PRSS37: variants seen among roughly 807,000 people sequenced by gnomAD.
PRSS37 encodes serine protease 37, also known as probable inactive serine protease 37.
Under a neutral mutation model 28.0 loss-of-function variants are expected in PRSS37, and 25 were observed. That is an observed-to-expected ratio of 0.89 (90% CI 0.65 to 1.25). The LOEUF is 1.25. Ranked by LOEUF, PRSS37 falls within the 50% of genes most tolerant of loss-of-function variation. The pLI, the probability that PRSS37 is intolerant of heterozygous loss-of-function variation, is 0.00. For missense variants in PRSS37, 282 were observed against 292.2 expected (o/e 0.97, Z 0.25); for synonymous variants, 109 against 107.8 (o/e 1.01, Z -0.07).
rs1171195360 is a variant in PRSS37 at position 141,841,364 on chromosome 7, A to G, written c.-315T>C. 4 of 349,170 alleles carry G rather than the reference A, an allele frequency of 1.1e-5. No individual in the cohort carries two copies. The highest frequency in any genetic ancestry group is 4.3e-5 in the African/African-American group (2 of 47,018). 21.6% of individuals were successfully genotyped at this position (349,170 alleles called of 1,614,324 possible). A position where few individuals can be genotyped will look rare whatever the true frequency, so the allele number is the denominator to read the frequency against. ...AAACACATCTGTTTGAAGGTAGTTC[A>G]GTTGTCTGTGGAAATGGCAGCTCTA... On this transcript the variant is annotated 5_prime_UTR_variant, in exon 1 of 5. Coordinates refer to ENST00000350549, the MANE Select transcript of PRSS37 (RefSeq NM_001008270.3).
chr7:141,840,615 A>G (rs1801120919), intron 1 of PRSS37, among the ~76,000 whole-genome samples: 1 of 152,256 alleles, frequency 6.6e-6, no homozygotes, highest in Non-Finnish European at 1.5e-5. Context: ...AATGTGTGAT[A>G]CAACCTAGGC....
chr7:141,839,518 T>G, intron 1 of PRSS37, 39 bp from the exon 2 acceptor site: 4 of 1,495,594 alleles, frequency 2.7e-6, no homozygotes, highest in Non-Finnish European at 3.7e-6. Context: ...ATAAATATTA[T>G]AAAAATAAGG....
chr7:141,836,434 T>C lies in PRSS37; in HGVS notation c.669A>G (p.Lys223=), dbSNP rs968345559. The part of the protein sequence containing the change: ...GDVGIYTNVY[K]YVSWIENTAK... Reference sequence around the variant, plus strand: ...CAGTGTTCTCAATCCAGGATACATATTTGTAAACATTGGTGTAGATGCCGA... The same window carrying C: ...CAGTGTTCTCAATCCAGGATACATACTTGTAAACATTGGTGTAGATGCCGA... Residue 223 remains lysine, a synonymous_variant, in exon 5 of 5, where the codon AAA becomes AAG. Transcript: ENST00000350549. 4 of 1,614,174 alleles carry C rather than the reference T, an allele frequency of 2.5e-6. No individual in the cohort carries two copies. Among genetic ancestry groups the C allele is most frequent in the Non-Finnish European group, 3.4e-6 (4 of 1,180,028 alleles).
intron 2 of PRSS37, chr7:141,838,843 T>C: frequency 2.6e-6 from 1 of 380,012 alleles, no homozygotes; most frequent in Non-Finnish European, 5.2e-6. Flanking sequence ...AACTGCATTT[T>C]CTTAATACAA....
intron 3 of PRSS37, chr7:141,837,646 A>C (rs1176949365): frequency 2.0e-6 from 3 of 1,523,588 alleles, no homozygotes; most frequent in South Asian, 1.2e-5. Flanking sequence ...CCAGCTGCCA[A>C]AGCCCTGCAG....
intron 1 of PRSS37, among the ~76,000 whole-genome samples, chr7:141,840,069 CTATT>C (rs748801060): frequency 9.9e-5 from 15 of 151,992 alleles, no homozygotes; most frequent in Non-Finnish European, 1.9e-4. Context: ...TGGATATAAT[CTATT>C]TGTCTAAAAA....
chr7:141,839,221 A>C, intron 2 of PRSS37, 117 bp downstream of exon 2: 2 of 1,117,118 alleles, frequency 1.8e-6, no homozygotes, highest in Non-Finnish European at 2.6e-6. Context: ...TGTGACAACC[A>C]AAAATATCTT....
At chr7:141,837,556 C>G in intron 3 of PRSS37, 1 of 1,499,852 alleles carries the variant, frequency 6.7e-7, no homozygotes, top group Non-Finnish European at 8.9e-7. Flanking sequence ...GAAGTAGGAC[C>G]ACACCTTGTT....
In PRSS37 at chr7:141,839,505, T is replaced by C. The variant is rs751185298; in HGVS notation, c.35-26A>G. The C allele has an allele frequency of 3.9e-6, 6 of 1,543,970 alleles. No homozygotes were observed. The Admixed American group carries it at 6.9e-5, about 18-fold the overall frequency. On this transcript the variant is annotated intron_variant, in intron 1 of 4. Coordinates refer to ENST00000350549, the MANE Select transcript of PRSS37 (RefSeq NM_001008270.3). ...CTGAGAAAATAATGAACATTCTTAA[T>C]ACATAAATATTATAAAAATAAGGTA...
Position 141,841,015 on chromosome 7 carries a change from C to T in PRSS37, c.34+1G>A, listed in dbSNP as rs762920669. On this transcript the variant is annotated splice_donor_variant, in intron 1 of 4. Transcript: ENST00000350549. LOFTEE classifies it high-confidence loss of function. ...CAGAGTACAAGGTCTTGAGTACATACCAGCGAGGACACCCAAATAGAAGAC... is the reference window on the plus strand; with the variant it reads ...CAGAGTACAAGGTCTTGAGTACATATCAGCGAGGACACCCAAATAGAAGAC... The T allele has an allele frequency of 4.3e-6, 7 of 1,613,638 alleles. No homozygotes were observed. The South Asian group carries it at 5.5e-5, about 13-fold the overall frequency.
chr7:141,839,311 G>T (rs1196137243), intron 2 of PRSS37, 27 bp downstream of exon 2: 2 of 1,611,578 alleles, frequency 1.2e-6, no homozygotes, highest in Non-Finnish European at 1.7e-6. Context: ...TAGCTGTTTT[G>T]GGGATGGGGA....
intron 4 of PRSS37, 73 bp downstream of exon 4, chr7:141,837,039 T>A: frequency 6.8e-7 from 1 of 1,479,334 alleles, no homozygotes; most frequent in Non-Finnish European, 9.3e-7. Flanking sequence ...TCTAAAATAG[T>A]TTTTACATCA....
chr7:141,839,438 G>A lies in PRSS37; in HGVS notation c.76C>T (p.Pro26Ser), dbSNP rs775854186. The A allele has an allele frequency of 1.2e-6, 2 of 1,613,212 alleles. No individual in the cohort carries two copies. Among genetic ancestry groups the A allele is most frequent in the East Asian group, 2.2e-5 (1 of 44,840 alleles). Residue 26 changes from proline to serine, a missense_variant, in exon 2 of 5, where the codon CCT becomes TCT. Pro to Ser is a moderately conservative substitution (Grantham distance 74). Transcript: ENST00000350549. Reference sequence around the variant, plus strand: ...TTGAGGTACACCAAATAGGGAGCAGGGTCTTCTTTCTGAACAGATGAGTCA... The same window carrying A: ...TTGAGGTACACCAAATAGGGAGCAGAGTCTTCTTTCTGAACAGATGAGTCA... ...FADSSVQKED[P>S]APYLVYLKSH...
Position 141,836,604 on chromosome 7 carries a change from T to C in PRSS37, c.568-69A>G. ...GTGTCAGATCTTCTCACAGGAACCC[T>C]AGTGTCCCGCTTGGGTGAGCCCTGT... On this transcript the variant is annotated intron_variant, in intron 4 of 4. Coordinates refer to ENST00000350549, the MANE Select transcript of PRSS37 (RefSeq NM_001008270.3). 3 of 1,557,202 alleles carry C rather than the reference T, an allele frequency of 1.9e-6. No homozygotes were observed. In the South Asian group the frequency reaches 3.4e-5, roughly 18 times the overall value.
At chr7:141,837,768 C>T in intron 3 of PRSS37, 92 bp downstream of exon 3, 4 of 1,561,446 alleles carry the variant, frequency 2.6e-6, no homozygotes, top group South Asian at 1.2e-5. Flanking sequence ...TTTCACTCTC[C>T]TTTCCTCCTC....
At position 141,838,103 on chromosome 7, in the gene PRSS37, C is replaced by T; in HGVS notation, c.187G>A (p.Val63Met). Reference sequence around the variant, plus strand: ...CTGCTCTTGAAATTTCCCAGCATCACTTTCAGATTTCTGGAGGGAGAGGGG... The same window carrying T: ...CTGCTCTTGAAATTTCCCAGCATCATTTTCAGATTTCTGGAGGGAGAGGGG... The part of the protein sequence containing the change: ...PAHCYLPNLK[V>M]MLGNFKSRVR... Residue 63 changes from valine to methionine, a missense_variant, in exon 3 of 5, where the codon GTG becomes ATG. By Grantham distance (21) the Val-to-Met change is conservative. Coordinates refer to ENST00000350549, the MANE Select transcript of PRSS37 (RefSeq NM_001008270.3). 2 of 1,613,976 alleles carry T rather than the reference C, an allele frequency of 1.2e-6. No individual in the cohort carries two copies. The highest frequency in any genetic ancestry group is 1.7e-6 in the Non-Finnish European group (2 of 1,180,006).
At chr7:141,838,637 G>A (rs1313998362) in intron 2 of PRSS37, 2 of 252,082 alleles carry the variant, frequency 7.9e-6, no homozygotes, top group Non-Finnish European at 1.5e-5. Flanking sequence ...AGTAACTGGA[G>A]GAAGAAGAGT....
In PRSS37 at chr7:141,836,538, A is replaced by C. The variant is rs1044941722; in HGVS notation, c.568-3T>G. ...ATGACAGTAGCAACGGCCACCTCCTACCGGAGATCATGCAGAGAGAGAGAG... is the reference window on the plus strand; with the variant it reads ...ATGACAGTAGCAACGGCCACCTCCTCCCGGAGATCATGCAGAGAGAGAGAG... On this transcript the variant is annotated splice_polypyrimidine_tract_variant and splice_region_variant and intron_variant, in intron 4 of 4. Coordinates refer to ENST00000350549, the MANE Select transcript of PRSS37 (RefSeq NM_001008270.3). The C allele has an allele frequency of 1.9e-6, 3 of 1,613,084 alleles. No homozygotes were observed. In the African/African-American group the frequency reaches 4.0e-5, roughly 22 times the overall value.
intron 1 of PRSS37, among the ~76,000 whole-genome samples, chr7:141,840,118 A>G (rs1801107530): frequency 1.3e-5 from 2 of 152,358 alleles, no homozygotes; most frequent in East Asian, 3.9e-4. Flanking sequence ...CAAAAAATAT[A>G]TAGATTCTGA....
Sources: gnomAD v4.1 joint callset for allele counts (sites outside exome capture counted in the v4.1 genomes callset) on GRCh38, gnomAD v4.1.1 for gene constraint, MANE v1.5 for transcripts, NCBI Gene and HGNC (gene_info 2026-07-23, HGNC 2026-07-21) for gene names.